ADAT2: variants seen among roughly 807,000 people sequenced by gnomAD.
ADAT2 encodes the protein tRNA-specific adenosine-34 deaminase catalytic subunit ADAT2.
A neutral mutation model predicts 25.9 loss-of-function variants in ADAT2; 26 were observed. The observed-to-expected ratio is 1.00, with a 90% CI of 0.74 to 1.39. The LOEUF (loss-of-function observed/expected upper bound fraction) is 1.39, where lower values mean the gene tolerates loss of function less well. Among genes scored for constraint, ADAT2 ranks in the 40% most tolerant of loss-of-function variants. The pLI is 0.00. For missense variants in ADAT2, 220 were observed against 244.8 expected (o/e 0.90, Z 0.68); for synonymous variants, 76 against 86.8 (o/e 0.88, Z 0.69).
chr6:143,438,697 G>C lies in ADAT2; in HGVS notation c.97-3C>G. 1 of 1,611,140 alleles carries C rather than the reference G, an allele frequency of 6.2e-7. No individual in the cohort carries two copies. On this transcript the variant is annotated splice_polypyrimidine_tract_variant and splice_region_variant and intron_variant, in intron 1 of 5. Transcript: ENST00000237283. ...GTATTTTCGAGGGCTTCTTTGGCCT[G>C]AAACACAAAGTGGAAAATGTAAGAC...
chr6:143,429,937 C>T (rs1302222325), intron 4 of ADAT2, among the ~76,000 whole-genome samples: 12 of 152,188 alleles, frequency 7.9e-5, no homozygotes, highest in Non-Finnish European at 1.3e-4. Context: ...ACACCCTGCT[C>T]CTGCCTTCAC....
Position 143,436,419 on chromosome 6 carries a change from G to A in ADAT2, c.201+2171C>T. 1 of 273,710 alleles carries A rather than the reference G, an allele frequency of 3.7e-6. No individual in the cohort carries two copies. Among genetic ancestry groups the A allele is most frequent in the South Asian group, 4.3e-5 (1 of 23,068 alleles). The allele number at this position is 273,710 out of a possible 1,614,324, so 17.0% of individuals were successfully genotyped here. ...TTGCTGACTGGATCCCCTACAATGG[G>A]AAAACAGCTTTCTGGGACATCCCAT... On this transcript the variant is annotated intron_variant, in intron 2 of 5. Coordinates refer to ENST00000237283, the MANE Select transcript of ADAT2 (RefSeq NM_182503.3). This position sits in a 1 kb window ranked among gnomAD's most constrained non-coding sequence, Gnocchi z 4.1.
rs1779471520 is a variant in ADAT2, at chr6:143,442,036, A to G, written c.97-3342T>C. 1 of 152,216 alleles carries G rather than the reference A, an allele frequency of 6.6e-6. No homozygotes were observed. The allele number at this position is 152,216 out of a possible 1,614,324, so 9.4% of individuals were successfully genotyped here. Reference sequence around the variant, plus strand: ...ACATGCATTTAACTTATGACCCAACAATTCCACTCTTGGGCATTTATCCCA... The same window carrying G: ...ACATGCATTTAACTTATGACCCAACGATTCCACTCTTGGGCATTTATCCCA... On this transcript the variant is annotated intron_variant, in intron 1 of 5. Coordinates refer to ENST00000237283, the MANE Select transcript of ADAT2 (RefSeq NM_182503.3). The surrounding 1 kb of genome is among the most constrained non-coding windows in gnomAD (Gnocchi z 4.6).
intron 1 of ADAT2, among the ~76,000 whole-genome samples, chr6:143,443,470 G>A (rs993833777): frequency 1.3e-5 from 2 of 152,162 alleles, no homozygotes; most frequent in African/African-American, 2.4e-5. Context: ...GTTCAAGGCT[G>A]TAGTGAGCTA....
At chr6:143,438,174 G>T (rs943072596) in intron 2 of ADAT2, among the ~76,000 whole-genome samples, 5 of 152,008 alleles carry the variant, frequency 3.3e-5, no homozygotes, top group African/African-American at 9.7e-5. Flanking sequence ...TACTAAAAAA[G>T]GAATGTATTA....
rs994464968 is a variant in ADAT2, at chr6:143,425,020, T to C, written c.*3443A>G. 2 of 152,206 alleles carry C rather than the reference T, an allele frequency of 1.3e-5. No individual in the cohort carries two copies. Among genetic ancestry groups the C allele is most frequent in the African/African-American group, 4.8e-5 (2 of 41,444 alleles). 9.4% of individuals were successfully genotyped at this position (152,206 alleles called of 1,614,324 possible). On this transcript the variant is annotated 3_prime_UTR_variant, in exon 6 of 6. Coordinates refer to ENST00000237283, the MANE Select transcript of ADAT2 (RefSeq NM_182503.3). ...GTGACGGCCTTTGTGTGCCTCCAGA[T>C]GTGATATCCTGTGAGGAACTTAACA...
At position 143,426,090 on chromosome 6, in the gene ADAT2, G is replaced by A. The variant is rs928213398; in HGVS notation, c.*2373C>T. 5 of 152,278 alleles carry A rather than the reference G, an allele frequency of 3.3e-5. No homozygotes were observed. Among genetic ancestry groups the A allele is most frequent in the African/African-American group, 9.7e-5 (4 of 41,432 alleles). 9.4% of individuals were successfully genotyped at this position (152,278 alleles called of 1,614,324 possible). On this transcript the variant is annotated 3_prime_UTR_variant, in exon 6 of 6. Coordinates refer to ENST00000237283, the MANE Select transcript of ADAT2 (RefSeq NM_182503.3). This position sits in a 1 kb window ranked among gnomAD's most constrained non-coding sequence, Gnocchi z 4.1. The stretch of plus-strand genomic sequence containing the variant: ...CCCTAATTTCTCTCAACAGGGCAGT[G>A]ATTCTAAAACCTTTTTGTATCTCAC...
chr6:143,450,503 G>C (rs768624527), intron 1 of ADAT2, 60 bp downstream of exon 1: 2 of 1,556,710 alleles, frequency 1.3e-6, no homozygotes, highest in East Asian at 4.5e-5. Context: ...AAATGCCGGG[G>C]TCGGGTTGAG....
chr6:143,432,401 T>C lies in ADAT2; in HGVS notation c.459+104A>G. The stretch of plus-strand genomic sequence containing the variant: ...CCCTGAGATCAAAGATGTCTGATTC[T>C]ATCATCGTTTCTTCGTATACTGGCC... On this transcript the variant is annotated intron_variant, in intron 4 of 5. Coordinates refer to ENST00000237283, the MANE Select transcript of ADAT2 (RefSeq NM_182503.3). This position sits in a 1 kb window ranked among gnomAD's most constrained non-coding sequence, Gnocchi z 4.4. The C allele has an allele frequency of 9.6e-7, 1 of 1,040,268 alleles. No individual in the cohort carries two copies. The highest frequency in any genetic ancestry group is 1.5e-6 in the Non-Finnish European group (1 of 688,848). 64.4% of individuals were successfully genotyped at this position (1,040,268 alleles called of 1,614,324 possible). A position where few individuals can be genotyped will look rare whatever the true frequency, so the allele number is the denominator to read the frequency against.
rs566606642 is a variant in ADAT2, at chr6:143,444,567, C to CA, written c.97-5874dup. The stretch of plus-strand genomic sequence containing the variant: ...CTTCACAAATGCAAAAAAGCTCAGG[C>CA]AAAATGGGTCTGAAATTTGTGCAGG... On this transcript the variant is annotated intron_variant, in intron 1 of 5. Coordinates refer to ENST00000237283, the MANE Select transcript of ADAT2 (RefSeq NM_182503.3). The surrounding 1 kb of genome is among the most constrained non-coding windows in gnomAD (Gnocchi z 4.3). 8.4e-3 allele frequency: 1,295 copies of CA among 154,732 alleles called. 11 individuals are homozygous for CA. The highest frequency in any genetic ancestry group is 0.014 in the Non-Finnish European group (989 of 69,792). The allele number at this position is 154,732 out of a possible 1,614,324, so 9.6% of individuals were successfully genotyped here. A position where few individuals can be genotyped will look rare whatever the true frequency, so the allele number is the denominator to read the frequency against.
intron 4 of ADAT2, among the ~76,000 whole-genome samples, chr6:143,430,577 T>A (rs926255745): frequency 6.6e-6 from 1 of 152,182 alleles, no homozygotes; most frequent in African/African-American, 2.4e-5. Flanking sequence ...ATAATTTTTT[T>A]TTTTGAGACA....
intron 1 of ADAT2, among the ~76,000 whole-genome samples, chr6:143,449,125 C>A (rs1779680816): frequency 6.6e-6 from 1 of 151,994 alleles, no homozygotes; most frequent in East Asian, 1.9e-4. Context: ...CGGCTCACTG[C>A]GACCTCAATC....
At chr6:143,445,139 A>G (rs9373391) in intron 1 of ADAT2, among the ~76,000 whole-genome samples, 80,104 of 151,050 alleles carry the variant, frequency 0.53, 21,685 homozygotes, top group African/African-American at 0.58. Flanking sequence ...AACTTTGGGG[A>G]TTTAAAAAGT....
At position 143,425,402 on chromosome 6, in the gene ADAT2, C is replaced by A. The variant is rs1284134591; in HGVS notation, c.*3061G>T. The A allele has an allele frequency of 6.6e-6, 1 of 152,082 alleles. No individual in the cohort carries two copies. The highest frequency in any genetic ancestry group is 1.4e-5 in the Non-Finnish European group (1 of 70,074). The allele number at this position is 152,082 out of a possible 1,614,324, so 9.4% of individuals were successfully genotyped here. A position where few individuals can be genotyped will look rare whatever the true frequency, so the allele number is the denominator to read the frequency against. On this transcript the variant is annotated 3_prime_UTR_variant, in exon 6 of 6. Coordinates refer to ENST00000237283, the MANE Select transcript of ADAT2 (RefSeq NM_182503.3). ...GTGTGGTGACATGAGTCTGTGGTCC[C>A]AGCTACTCAGGAGGCTGAGGAGGAA...
rs372632309 is a variant in ADAT2, at chr6:143,450,544, T to C, written c.96+19A>G. 115 of 1,613,642 alleles carry C rather than the reference T, an allele frequency of 7.1e-5. No homozygotes were observed. Among genetic ancestry groups the C allele is most frequent in the Non-Finnish European group, 9.1e-5 (107 of 1,179,796 alleles). ...GAGAAAGGTCCCACCCCGCAGCATC[T>C]ACCTCCCGGGCTCCTCACCATGTGC... On this transcript the variant is annotated intron_variant, in intron 1 of 5. Transcript: ENST00000237283.
intron 1 of ADAT2, chr6:143,441,899 A>G (rs748239570): frequency 1.3e-5 from 2 of 152,184 alleles, no homozygotes; most frequent in Non-Finnish European, 2.9e-5. Context: ...TAAAAACAAC[A>G]TCAAATGCTG....
In ADAT2 at chr6:143,440,513, A is replaced by T. The variant is rs1193062297; in HGVS notation, c.97-1819T>A. ...CTTTTCTCCATCTGGTTGGTGGGTC[A>T]GAGATGGGGCATGGAGAGATGTGAG... On this transcript the variant is annotated intron_variant, in intron 1 of 5. Transcript: ENST00000237283. This position sits in a 1 kb window ranked among gnomAD's most constrained non-coding sequence, Gnocchi z 4.5. 6.6e-6 allele frequency among the ~76,000 whole-genome samples: 1 copy of T among 152,220 alleles called. No homozygotes were observed. The highest frequency in any genetic ancestry group is 2.4e-5 in the African/African-American group (1 of 41,460).
At position 143,432,636 on chromosome 6, in the gene ADAT2, T is replaced by C; in HGVS notation, c.353-25A>G. On this transcript the variant is annotated intron_variant, in intron 3 of 5. Transcript: ENST00000237283. This position sits in a 1 kb window ranked among gnomAD's most constrained non-coding sequence, Gnocchi z 4.4. ...TATAAGACAGAATTAAGGTCCTGCA[T>C]AGAATGTACATTTCAAGTATGTATC... 1 of 1,604,736 alleles carries C rather than the reference T, an allele frequency of 6.2e-7. No homozygotes were observed. The highest frequency in any genetic ancestry group is 8.5e-7 in the Non-Finnish European group (1 of 1,171,600).
At chr6:143,443,448 A>G (rs1274829308) in intron 1 of ADAT2, among the ~76,000 whole-genome samples, 2 of 152,192 alleles carry the variant, frequency 1.3e-5, no homozygotes, top group African/African-American at 4.8e-5. Context: ...GATAAAAAAA[A>G]TGGCAAGAGG....
Sources: allele counts gnomAD v4.1 joint callset (sites outside exome capture counted in the v4.1 genomes callset), GRCh38; gene constraint gnomAD v4.1.1; non-coding constraint Gnocchi (gnomAD v3.1); transcripts MANE v1.5; gene names NCBI Gene and HGNC (gene_info 2026-07-23, HGNC 2026-07-21).